The following TNNI3K variants were observed in gnomAD, a reference collection of about 807,000 sequenced individuals.
The protein encoded by TNNI3K is TNNI3 interacting kinase.
In TNNI3K, 140 loss-of-function variants were observed where a neutral mutation model predicts 114.5. The ratio of observed to expected loss-of-function variants is 1.22; its 90% CI spans 1.07 to 1.41. The LOEUF is 1.41. Ranked by LOEUF, TNNI3K falls within the 40% of genes most tolerant of loss-of-function variation. The probability of loss-of-function intolerance (pLI) is 0.00; values close to 1 mark genes in which losing one functional copy is unlikely to be tolerated. For synonymous variants in TNNI3K, 347 were observed against 347.5 expected (o/e 1.00, Z 0.02); for missense variants, 1,125 against 1,007.6 (o/e 1.12, Z -1.58).
intron 23 of TNNI3K, among the ~76,000 whole-genome samples, chr1:74,500,460 C>T (rs1028616603): frequency 6.6e-6 from 1 of 151,170 alleles, no homozygotes; most frequent in Admixed American, 6.6e-5. Context: ...AAAAATTAGC[C>T]GGGCGTAGTG....
intron 5 of TNNI3K, among the ~76,000 whole-genome samples, chr1:74,310,109 A>G (rs1022033141): frequency 1.3e-5 from 2 of 152,222 alleles, no homozygotes; most frequent in African/African-American, 4.8e-5. Context: ...GCTTCAGTAA[A>G]GTTTCAGGAT....
intron 23 of TNNI3K, among the ~76,000 whole-genome samples, chr1:74,518,236 G>A (rs1557622688): frequency 1.3e-5 from 2 of 152,190 alleles, no homozygotes; most frequent in South Asian, 2.1e-4. Context: ...AGATGTGACA[G>A]TCTGCTTTTC....
rs1477927202 is a variant in TNNI3K, at chr1:74,356,127, TG to T, written c.1177+1999del. ...TGCACTTTATATAAATGAAATGCTA[TG>T]CTATGTACTTCTTTGTGTCTGGCTT... is the stretch of plus-strand genomic sequence containing the variant. On this transcript the variant is annotated intron_variant, in intron 11 of 24. Transcript: ENST00000326637. 3.9e-5 allele frequency among the ~76,000 whole-genome samples: 6 copies of T among 152,352 alleles called. No individual in the cohort carries two copies. In the East Asian group the frequency reaches 1.2e-3, roughly 29 times the overall value.
intron 21 of TNNI3K, among the ~76,000 whole-genome samples, chr1:74,478,067 A>T (rs1362688207): frequency 6.6e-6 from 1 of 152,234 alleles, no homozygotes; most frequent in Non-Finnish European, 1.5e-5. Context: ...ACTTAGATAT[A>T]GCTGAAGAAG....
At chr1:74,376,971 C>T (rs540293484) in intron 17 of TNNI3K, 14 of 152,146 alleles carry the variant, frequency 9.2e-5, no homozygotes, top group African/African-American at 3.4e-4. Context: ...CAGTGGTTCT[C>T]AGTTTGGCTG....
intron 23 of TNNI3K, among the ~76,000 whole-genome samples, chr1:74,533,099 A>G (rs1428085189): frequency 6.6e-6 from 1 of 152,210 alleles, no homozygotes; most frequent in Non-Finnish European, 1.5e-5. Context: ...TCTGCACAGC[A>G]AAAGAAAGTA....
chr1:74,268,934 C>G (rs910025577), intron 4 of TNNI3K, among the ~76,000 whole-genome samples: 2 of 151,828 alleles, frequency 1.3e-5, no homozygotes, highest in Admixed American at 6.6e-5. Flanking sequence ...CCTAGAAGGC[C>G]CTGCAAGATT....
chr1:74,540,526 T>A (rs1646713945), intron 24 of TNNI3K, among the ~76,000 whole-genome samples: 1 of 151,986 alleles, frequency 6.6e-6, no homozygotes, highest in Non-Finnish European at 1.5e-5. Flanking sequence ...TGAGTGTGCA[T>A]GAGTGTGTAA....
At chr1:74,445,306 G>T (rs76633117) in intron 20 of TNNI3K, among the ~76,000 whole-genome samples, 8,593 of 143,250 alleles carry the variant, frequency 0.06, 346 homozygotes, top group Middle Eastern at 0.1. Flanking sequence ...TGCCGTGCTG[G>T]TGCGCTGCAC....
intron 23 of TNNI3K, among the ~76,000 whole-genome samples, chr1:74,516,908 T>C (rs1646356346): frequency 6.6e-6 from 1 of 152,186 alleles, no homozygotes; most frequent in Non-Finnish European, 1.5e-5. Flanking sequence ...AATTGTTAAC[T>C]ACATGATAGA....
At chr1:74,251,285 A>G (rs574910821) in intron 4 of TNNI3K, among the ~76,000 whole-genome samples, 3 of 152,354 alleles carry the variant, frequency 2.0e-5, no homozygotes, top group Non-Finnish European at 2.9e-5. Context: ...AATAATAAAT[A>G]TAATAGTGGA....
chr1:74,409,933 C>A (rs993110600), intron 17 of TNNI3K, among the ~76,000 whole-genome samples: 29 of 152,184 alleles, frequency 1.9e-4, no homozygotes, highest in Non-Finnish European at 1.0e-4. Flanking sequence ...TGAGGTTGCA[C>A]CAAGATTCCA....
Position 74,489,221 on chromosome 1 carries a change from G to C in TNNI3K, c.2154G>C (p.Lys718Asn), listed in dbSNP as rs761459078. 6.2e-6 allele frequency: 10 copies of C among 1,612,172 alleles called. No homozygotes were observed. Reference protein sequence around the residue: ...GRPEFSEVVMKLEECLCNIEL... With the variant: ...GRPEFSEVVMNLEECLCNIEL... ...CCGAATTTTCTGAAGTTGTCATGAA[G>C]TTAGAAGAGTGTCTCTGCAACATTG... The change falls in exon 22 of 25, where the codon AAG becomes AAC. Residue 718 changes from lysine (K) to asparagine (N), a missense_variant. Lys to Asn is a moderately conservative substitution (Grantham distance 94). Coordinates refer to ENST00000326637, the MANE Select transcript of TNNI3K (RefSeq NM_015978.3).
intron 11 of TNNI3K, among the ~76,000 whole-genome samples, chr1:74,366,927 T>A (rs1662303755): frequency 6.6e-6 from 1 of 152,008 alleles, no homozygotes; most frequent in Non-Finnish European, 1.5e-5. Context: ...TAGTACTTAG[T>A]ATTGCCTTAT....
chr1:74,519,445 G>A (rs1036616093), intron 23 of TNNI3K, among the ~76,000 whole-genome samples: 4 of 130,402 alleles, frequency 3.1e-5, no homozygotes, highest in Non-Finnish European at 6.1e-5. Context: ...CTAGATCCCT[G>A]AGGAATCGCC....
At chr1:74,540,752 T>C (rs919444658) in intron 24 of TNNI3K, among the ~76,000 whole-genome samples, 4 of 107,144 alleles carry the variant, frequency 3.7e-5, no homozygotes, top group Non-Finnish European at 7.7e-5. Flanking sequence ...TTACCTAATA[T>C]GTTGGGAGAG....
chr1:74,469,688 T>C (rs1337895128), intron 21 of TNNI3K: 2 of 384,240 alleles, frequency 5.2e-6, no homozygotes, highest in Non-Finnish European at 9.2e-6. Flanking sequence ...AGACGTATCC[T>C]ATGACTCCAT....
chr1:74,496,963 T>C (rs1001793692), intron 23 of TNNI3K, among the ~76,000 whole-genome samples: 3 of 152,278 alleles, frequency 2.0e-5, no homozygotes, highest in Admixed American at 2.0e-4. Flanking sequence ...TTTGACCTAG[T>C]TAGCTGTCCA....
intron 9 of TNNI3K, among the ~76,000 whole-genome samples, chr1:74,351,214 C>A (rs1661319348): frequency 6.6e-6 from 1 of 151,806 alleles, no homozygotes; most frequent in Non-Finnish European, 1.5e-5. Flanking sequence ...TTTATTTCTC[C>A]TTCACTTATG....
Sources: gnomAD v4.1 joint callset for allele counts (sites outside exome capture counted in the v4.1 genomes callset) on GRCh38, gnomAD v4.1.1 for gene constraint, MANE v1.5 for transcripts, NCBI Gene and HGNC (gene_info 2026-07-23, HGNC 2026-07-21) for gene names.